FH: variants seen among roughly 807,000 people sequenced by gnomAD.
FH encodes fumarate hydratase, mitochondrial.
FH carries 22 observed loss-of-function variants against 49.4 expected under a neutral mutation model. The observed-to-expected ratio is 0.45, with a 90% CI of 0.32 to 0.64. The LOEUF (loss-of-function observed/expected upper bound fraction) is 0.64, where lower values mean the gene tolerates loss of function less well. Among genes scored for constraint, FH ranks in the 30% least tolerant of loss-of-function variants. The pLI is 0.05. For missense variants in FH, 526 were observed against 641.5 expected (o/e 0.82, Z 1.95); for synonymous variants, 208 against 223.0 (o/e 0.93, Z 0.60).
intron 4 of FH, 177 bp downstream of exon 4, chr1:241,511,790 T>C (rs753864651): frequency 1.0e-4 from 62 of 605,476 alleles, no homozygotes; most frequent in Non-Finnish European, 1.7e-4. Flanking sequence ...CTAAAAATAA[T>C]TTTTATAAGG....
Position 241,512,041 on chromosome 1 carries a change from C to T in FH, c.481G>A (p.Ala161Thr), listed in dbSNP as rs1573885421. ...AGTTCACCTCCTAACATTTCAATTG[C>T]TCTATTGCTAATGACTTCATTTACA... ...MNVNEVISNR[A>T]IEMLGGELGS... Residue 161 changes from alanine (A) to threonine (T), a missense_variant, in exon 4 of 10, where the codon GCA becomes ACA. Ala to Thr is a moderately conservative substitution (Grantham distance 58). Around this residue, in one of 2 missense-constraint regions of FH, gnomAD observed 383 missense variants for 514.0 expected, o/e 0.75. Coordinates refer to ENST00000366560, the MANE Select transcript of FH (RefSeq NM_000143.4). 33 of 1,613,958 alleles carry T rather than the reference C, an allele frequency of 2.0e-5. No individual in the cohort carries two copies. The highest frequency in any genetic ancestry group is 2.5e-5 in the Non-Finnish European group (30 of 1,179,904).
intron 4 of FH, among the ~76,000 whole-genome samples, chr1:241,509,361 G>A (rs1438146194): frequency 6.6e-6 from 1 of 152,110 alleles, no homozygotes; most frequent in Non-Finnish European, 1.5e-5. Flanking sequence ...AAATAGGAAA[G>A]CCAAGCCCTC....
Position 241,504,123 on chromosome 1 carries a change from G to A in FH, c.1027C>T (p.Arg343Ter), listed in dbSNP as rs121913122. The change falls in exon 7 of 10, where the codon CGA becomes TGA. Residue 343 changes from arginine to a stop codon, truncating the protein, a stop_gained. Coordinates refer to ENST00000366560, the MANE Select transcript of FH (RefSeq NM_000143.4). LOFTEE classifies it high-confidence loss of function. The stretch of plus-strand genomic sequence containing the variant: ...GACCGAGGACCAGAACCCAAAAATC[G>A]AATATCATTTGCTATCTTCATCAGA... Reference protein sequence around the residue: ...CSLMKIANDIRFLGSGPRSGL... With the variant: ...CSLMKIANDI 3.7e-6 allele frequency: 6 copies of A among 1,614,180 alleles called. No individual in the cohort carries two copies. The highest frequency in any genetic ancestry group is 4.2e-6 in the Non-Finnish European group (5 of 1,180,026).
At chr1:241,502,674 G>T in intron 7 of FH, 104 bp from the exon 8 acceptor site, 1 of 1,340,754 alleles carries the variant, frequency 7.5e-7, no homozygotes, top group Non-Finnish European at 1.1e-6. Context: ...ATACAATAAA[G>T]CAAGGCCCAA....
chr1:241,517,153 T>C (rs1025645804), intron 2 of FH, 29 bp downstream of exon 2: 8 of 1,613,904 alleles, frequency 5.0e-6, no homozygotes, highest in Admixed American at 3.3e-5. Context: ...TCATCCAAAA[T>C]AGCCAACATT....
intron 4 of FH, among the ~76,000 whole-genome samples, chr1:241,511,165 G>T (rs1244000392): frequency 6.6e-6 from 1 of 152,138 alleles, no homozygotes; most frequent in African/African-American, 2.4e-5. Context: ...TAGTTCATAG[G>T]GCAAAGCTCT....
intron 9 of FH, among the ~76,000 whole-genome samples, chr1:241,498,694 CATATATATATATATAT>C (rs56361117): frequency 0.039 from 2,092 of 53,152 alleles, 207 homozygotes; most frequent in African/African-American, 0.097. Flanking sequence ...GCTGTCTTAA[CATATATATATATATAT>C]ATATATATAT....
rs1303488878 is a variant in FH at position 241,513,671 on chromosome 1, C to T, written c.310G>A (p.Ala104Thr). ...KAFGILKRAA[A>T]EVNQDYGLDP... is the part of the protein sequence containing the mutation. ...AGACCATAATCCTGGTTTACTTCAG[C>T]GGCCGCTCGCTTCAAGATGCCAAAA... The change falls in exon 3 of 10, where the codon GCT becomes ACT. Residue 104 changes from alanine to threonine, a missense_variant. Ala to Thr is a moderately conservative substitution (Grantham distance 58). Around this residue, in one of 2 missense-constraint regions of FH, gnomAD observed 383 missense variants for 514.0 expected, o/e 0.75. Coordinates refer to ENST00000366560, the MANE Select transcript of FH (RefSeq NM_000143.4). 1.9e-6 allele frequency: 3 copies of T among 1,613,964 alleles called. No homozygotes were observed. Among genetic ancestry groups the T allele is most frequent in the South Asian group, 1.1e-5 (1 of 91,082 alleles).
intron 5 of FH, among the ~76,000 whole-genome samples, chr1:241,506,698 C>T (rs1169462848): frequency 1.3e-5 from 2 of 152,136 alleles, no homozygotes; most frequent in African/African-American, 2.4e-5. Context: ...CACTGAATAG[C>T]ACAGGAAGGT....
chr1:241,516,807 C>T (rs145520468), intron 2 of FH, among the ~76,000 whole-genome samples: 2,131 of 152,164 alleles, frequency 0.014, 57 homozygotes, highest in African/African-American at 0.049. Flanking sequence ...CGCGCGCCAC[C>T]GTGCCCGGCT....
chr1:241,499,402 C>T (rs1052375902), intron 9 of FH, among the ~76,000 whole-genome samples: 36 of 152,184 alleles, frequency 2.4e-4, no homozygotes, highest in African/African-American at 8.0e-4. Flanking sequence ...ACTGCTCACA[C>T]GAGCCTCTGG....
intron 4 of FH, among the ~76,000 whole-genome samples, chr1:241,510,432 T>C (rs1366486479): frequency 1.3e-5 from 2 of 152,122 alleles, no homozygotes; most frequent in African/African-American, 4.8e-5. Context: ...AACAAAAGTA[T>C]GGGATCATAA....
intron 5 of FH, 134 bp downstream of exon 5, chr1:241,508,469 T>C: frequency 1.4e-6 from 1 of 735,236 alleles, no homozygotes; most frequent in South Asian, 1.5e-5. Flanking sequence ...TACTGATTGG[T>C]TGAACAGAAC....
At chr1:241,512,931 GTGTGTGTA>G (rs1333391198) in intron 3 of FH, among the ~76,000 whole-genome samples, 1 of 151,932 alleles carries the variant, frequency 6.6e-6, no homozygotes, top group Non-Finnish European at 1.5e-5. Context: ...GTGTGTGTGT[GTGTGTGTA>G]TATGAGAAAC....
At chr1:241,514,760 A>G (rs1660174260) in intron 2 of FH, among the ~76,000 whole-genome samples, 1 of 152,252 alleles carries the variant, frequency 6.6e-6, no homozygotes, top group Non-Finnish European at 1.5e-5. Flanking sequence ...ATTTTAAGTA[A>G]CTAAAATTAA....
At chr1:241,507,723 A>T (rs1301993462) in intron 5 of FH, among the ~76,000 whole-genome samples, 1 of 152,208 alleles carries the variant, frequency 6.6e-6, no homozygotes, top group Non-Finnish European at 1.5e-5. Context: ...CCTCCTTAGA[A>T]ATTATGCATG....
rs863223996 is a variant in FH at position 241,508,731 on chromosome 1, G to T, written c.610C>A (p.His204Asn). Residue 204 changes from histidine (H) to asparagine (N), a missense_variant, in exon 5 of 10, where the codon CAT (histidine) becomes AAT (asparagine). Transcript: ENST00000366560. ...TGTAGTCCTGGTAACAGTACTTCATGAACTTCTATTGCAGCAGCAATGTGC... is the reference window on the plus strand; with the variant it reads ...TGTAGTCCTGGTAACAGTACTTCATTAACTTCTATTGCAGCAGCAATGTGC... ...AMHIAAAIEV[H>N]EVLLPGLQKL... is the part of the protein sequence containing the mutation. The T allele has an allele frequency of 1.2e-6, 2 of 1,613,770 alleles. No homozygotes were observed. Among genetic ancestry groups the T allele is most frequent in the Non-Finnish European group, 8.5e-7 (1 of 1,179,738 alleles).
chr1:241,511,143 T>C (rs1165513379), intron 4 of FH, among the ~76,000 whole-genome samples: 1 of 152,126 alleles, frequency 6.6e-6, no homozygotes, highest in African/African-American at 2.4e-5. Context: ...GATGCGGCCT[T>C]TGCAAGGTGA....
chr1:241,506,998 T>G (rs1427079640), intron 5 of FH, among the ~76,000 whole-genome samples: 1 of 152,204 alleles, frequency 6.6e-6, no homozygotes, highest in Non-Finnish European at 1.5e-5. Flanking sequence ...GATGCCATAC[T>G]GTTCTAAAGA....
Sources: gnomAD v4.1 joint callset for allele counts (sites outside exome capture counted in the v4.1 genomes callset) on GRCh38, gnomAD v4.1.1 for gene constraint, gnomAD v4.1.1 regional missense constraint, MANE v1.5 for transcripts, NCBI Gene and HGNC (gene_info 2026-07-23, HGNC 2026-07-21) for gene names.